GLI2: variants seen among roughly 807,000 people sequenced by gnomAD.
GLI2 encodes the protein transcription activator GLI2.
GLI2 carries 22 observed loss-of-function variants against 78.9 expected under a neutral mutation model. The ratio of observed to expected loss-of-function variants is 0.28; its 90% CI spans 0.20 to 0.40. GLI2 has a LOEUF of 0.40. Among genes scored for constraint, GLI2 ranks in the 10% least tolerant of loss-of-function variants. The pLI, the probability that GLI2 is intolerant of heterozygous loss-of-function variation, is 1.00. For synonymous variants in GLI2, 974 were observed against 963.7 expected, an observed-to-expected ratio of 1.01 and a Z score of -0.20; for missense variants, 2,097 against 2,213.2, an observed-to-expected ratio of 0.95 and a Z score of 1.05.
At chr2:120,906,889 C>G (rs1308658089) in intron 2 of GLI2, among the ~76,000 whole-genome samples, 1 of 152,180 alleles carries the variant, frequency 6.6e-6, no homozygotes, top group Non-Finnish European at 1.5e-5. Context: ...GCACCCCTCC[C>G]TCCTTGCCGC....
Position 120,797,300 on chromosome 2 carries a change from C to A in GLI2, c.-21C>A. On this transcript the variant is annotated 5_prime_UTR_variant, in exon 2 of 14. Transcript: ENST00000361492. Reference sequence around the variant, plus strand: ...TTGTCTTCTCTTTTAGGATTGCCACCCAGGACGATGAGCGGCTGAGATGGA... The same window carrying A: ...TTGTCTTCTCTTTTAGGATTGCCACACAGGACGATGAGCGGCTGAGATGGA... 1 of 1,613,648 alleles carries A rather than the reference C, an allele frequency of 6.2e-7. No individual in the cohort carries two copies. Among genetic ancestry groups the A allele is most frequent in the South Asian group, 1.1e-5 (1 of 91,044 alleles).
At chr2:120,847,607 T>TG (rs1027607002) in intron 2 of GLI2, among the ~76,000 whole-genome samples, 4 of 143,772 alleles carry the variant, frequency 2.8e-5, no homozygotes, top group Non-Finnish European at 4.6e-5. Context: ...GAACTTGGAT[T>TG]GGGGGGTTGG....
At chr2:120,984,413 C>G in intron 11 of GLI2, 58 bp from the exon 12 acceptor site, 1 of 1,567,316 alleles carries the variant, frequency 6.4e-7, no homozygotes, top group South Asian at 1.1e-5. Flanking sequence ...GGGAGAGCGC[C>G]CCTTCAGAGT....
chr2:120,983,760 C>T (rs184773310), intron 11 of GLI2, among the ~76,000 whole-genome samples: 84 of 152,320 alleles, frequency 5.5e-4, no homozygotes, highest in Admixed American at 5.1e-3. Flanking sequence ...TTTTTAAAAG[C>T]TTAGACATAT....
chr2:120,894,454 C>T (rs1677840218), intron 2 of GLI2, among the ~76,000 whole-genome samples: 1 of 152,172 alleles, frequency 6.6e-6, no homozygotes, highest in Non-Finnish European at 1.5e-5. Context: ...GTCTCCAGTG[C>T]TCAGAGTGCC....
At chr2:120,753,147 G>C (rs961560238) in intron 1 of GLI2, among the ~76,000 whole-genome samples, 3 of 149,264 alleles carry the variant, frequency 2.0e-5, no homozygotes, top group Non-Finnish European at 4.4e-5. Flanking sequence ...CAGTCTGGAG[G>C]GTGCAGTGGC....
intron 2 of GLI2, among the ~76,000 whole-genome samples, chr2:120,821,537 C>T (rs1558815673): frequency 2.0e-5 from 3 of 152,100 alleles, no homozygotes; most frequent in Admixed American, 6.5e-5. Flanking sequence ...CCTCATCAAA[C>T]GTGAGGATGA....
intron 7 of GLI2, among the ~76,000 whole-genome samples, chr2:120,971,634 G>A (rs957052903): frequency 1.3e-5 from 2 of 152,246 alleles, no homozygotes; most frequent in African/African-American, 4.8e-5. Flanking sequence ...GAGAAGTTGA[G>A]CCTGGTCAGA....
chr2:120,823,170 G>C (rs925180460), intron 2 of GLI2, among the ~76,000 whole-genome samples: 1 of 152,164 alleles, frequency 6.6e-6, no homozygotes, highest in Non-Finnish European at 1.5e-5. Flanking sequence ...GTTTGGTCCC[G>C]GACTTAATGA....
At position 120,809,639 on chromosome 2, in the gene GLI2, C is replaced by G. The variant is rs1305841837; in HGVS notation, c.148+12171C>G. Among the ~76,000 whole-genome samples, 3 of 152,272 alleles carry G rather than the reference C, an allele frequency of 2.0e-5. No homozygotes were observed. In the South Asian group the frequency reaches 6.2e-4, roughly 32 times the overall value. On this transcript the variant is annotated intron_variant, in intron 2 of 13. Transcript: ENST00000361492. The stretch of plus-strand genomic sequence containing the variant: ...GTGGCGGCATGGGGGCCTGGTCGTG[C>G]TGCTGCTCACAGCCCCTGGGATCTC...
At chr2:120,945,234 G>A (rs1167591780) in intron 3 of GLI2, among the ~76,000 whole-genome samples, 1 of 152,226 alleles carries the variant, frequency 6.6e-6, no homozygotes, top group Non-Finnish European at 1.5e-5. Context: ...CGTGAGGCCG[G>A]GCTCCTGCTC....
chr2:120,928,002 A>C (rs1313544396), intron 3 of GLI2, among the ~76,000 whole-genome samples: 1 of 152,114 alleles, frequency 6.6e-6, no homozygotes, highest in Non-Finnish European at 1.5e-5. Flanking sequence ...CCACCTGCCT[A>C]ACCCTGTCCC....
At position 120,797,327 on chromosome 2, in the gene GLI2, A is replaced by G. The variant is rs749244227; in HGVS notation, c.7A>G (p.Thr3Ala). Residue 3 changes from threonine to alanine, a missense_variant, in exon 2 of 14, where the codon ACG (threonine) becomes GCG (alanine). Physicochemically the swap from Thr to Ala is moderately conservative, Grantham distance 58. Around this residue, in one of 5 missense-constraint regions of GLI2, gnomAD observed 578 missense variants for 612.0 expected, o/e 0.94. Coordinates refer to ENST00000361492, the MANE Select transcript of GLI2 (RefSeq NM_001374353.1). ME[T>A]SASATASEKQ... is the part of the protein sequence containing the mutation. ...AGGACGATGAGCGGCTGAGATGGAG[A>G]CGTCTGCCTCAGCCACTGCCTCCGA... 2.0e-5 allele frequency: 32 copies of G among 1,613,616 alleles called. No homozygotes were observed. The South Asian group carries it at 2.4e-4, about 12-fold the overall frequency.
chr2:120,847,158 T>G (rs1283154395), intron 2 of GLI2, among the ~76,000 whole-genome samples: 1 of 152,008 alleles, frequency 6.6e-6, no homozygotes, highest in East Asian at 1.9e-4. Flanking sequence ...GGAATAGTCC[T>G]AGGAAAACCT....
chr2:120,748,861 A>G (rs886988700), intron 1 of GLI2, among the ~76,000 whole-genome samples: 10 of 115,810 alleles, frequency 8.6e-5, no homozygotes, highest in Non-Finnish European at 9.6e-5. Flanking sequence ...TTCTCCATCC[A>G]TCCATCCATC....
In GLI2 at chr2:120,988,820, C is replaced by G. The variant is rs1260890491; in HGVS notation, c.2855C>G (p.Ala952Gly). 106 of 1,439,412 alleles carry G rather than the reference C, an allele frequency of 7.4e-5. No homozygotes were observed. The highest frequency in any genetic ancestry group is 7.9e-5 in the Non-Finnish European group (87 of 1,096,830). 89.2% of individuals were successfully genotyped at this position (1,439,412 alleles called of 1,614,324 possible). A position where few individuals can be genotyped will look rare whatever the true frequency, so the allele number is the denominator to read the frequency against. ...HEAPGGGARR[A>G]SDPVRRPDAL... ...GCTCCAGGCGGCGGAGCCAGGCGGG[C>G]CAGCGACCCTGTGCGGCGGCCCGAT... is the stretch of plus-strand genomic sequence containing the variant. Residue 952 changes from alanine to glycine, a missense_variant, in exon 14 of 14, where the codon GCC becomes GGC. This residue lies in a region of GLI2 where 1,290 missense variants were observed against 1,261.7 expected (regional missense o/e 1.02). Coordinates refer to ENST00000361492, the MANE Select transcript of GLI2 (RefSeq NM_001374353.1).
chr2:120,768,326 C>T (rs146202011), intron 1 of GLI2, among the ~76,000 whole-genome samples: 14 of 152,214 alleles, frequency 9.2e-5, no homozygotes, highest in Non-Finnish European at 2.1e-4. Context: ...GCCCTCAGAG[C>T]TGGGGTTCCT....
intron 7 of GLI2, among the ~76,000 whole-genome samples, chr2:120,970,988 T>C (rs1682138835): frequency 6.6e-6 from 1 of 152,242 alleles, no homozygotes; most frequent in Non-Finnish European, 1.5e-5. Flanking sequence ...CACTGCCTCA[T>C]TCGACCCTTC....
intron 2 of GLI2, among the ~76,000 whole-genome samples, chr2:120,870,377 C>T (rs1161792365): frequency 6.6e-6 from 1 of 152,184 alleles, no homozygotes; most frequent in Admixed American, 6.5e-5. Flanking sequence ...CAGGAGAAAA[C>T]ATTCTCCTCC....
Sources: gnomAD v4.1 joint callset for allele counts (sites outside exome capture counted in the v4.1 genomes callset) on GRCh38, gnomAD v4.1.1 for gene constraint, gnomAD v4.1.1 regional missense constraint, MANE v1.5 for transcripts, NCBI Gene and HGNC (gene_info 2026-07-23, HGNC 2026-07-21) for gene names.